ARNT2: variants seen among roughly 807,000 people sequenced by gnomAD.
ARNT2 encodes the protein aryl hydrocarbon receptor nuclear translocator 2.
ARNT2 carries 36 observed loss-of-function variants against 91.7 expected under a neutral mutation model. The observed-to-expected ratio is 0.39, with a 90% CI of 0.30 to 0.52. The LOEUF (loss-of-function observed/expected upper bound fraction) is 0.52, where lower values mean the gene tolerates loss of function less well. Ranked by LOEUF, ARNT2 falls within the 20% of genes least tolerant of loss-of-function variation. ARNT2 has a pLI of 0.72. For synonymous variants in ARNT2, 365 were observed against 347.1 expected, an observed-to-expected ratio of 1.05 and a Z score of -0.57; for missense variants, 775 against 939.3, an observed-to-expected ratio of 0.83 and a Z score of 2.29.
intron 1 of ARNT2, among the ~76,000 whole-genome samples, chr15:80,426,487 C>A (rs1895933731): frequency 6.6e-6 from 1 of 152,188 alleles, no homozygotes; most frequent in South Asian, 2.1e-4. Context: ...GAATCCATAG[C>A]AAAACACAGT....
At chr15:80,475,255 A>T in intron 5 of ARNT2, 32 bp downstream of exon 5, 2 of 1,608,656 alleles carry the variant, frequency 1.2e-6, no homozygotes, top group East Asian at 2.2e-5. Context: ...AGGCTGTTTG[A>T]CTCTAGAAAA....
chr15:80,443,429 G>A (rs1449846525), intron 1 of ARNT2, among the ~76,000 whole-genome samples: 1 of 152,154 alleles, frequency 6.6e-6, no homozygotes, highest in Admixed American at 6.5e-5. Context: ...GAGTGGGAAG[G>A]ACAAGAGTGG....
At chr15:80,471,227 G>T (rs749319040) in intron 4 of ARNT2, among the ~76,000 whole-genome samples, 8 of 152,200 alleles carry the variant, frequency 5.3e-5, no homozygotes, top group Admixed American at 2.6e-4. Context: ...GTCCTTTGCA[G>T]GAACATGGAT....
intron 1 of ARNT2, among the ~76,000 whole-genome samples, chr15:80,420,317 C>G (rs1274765495): frequency 6.6e-6 from 1 of 152,036 alleles, no homozygotes; most frequent in African/African-American, 2.4e-5. Context: ...TTTTCCTGGA[C>G]TATTGATATT....
rs1323951875 is a variant in ARNT2 at position 80,595,481 on chromosome 15, A to G, written c.*1783A>G. The G allele has an allele frequency of 1.3e-5, 2 of 152,378 alleles. No individual in the cohort carries two copies. The highest frequency in any genetic ancestry group is 1.9e-4 in the East Asian group (1 of 5,188). The allele number at this position is 152,378 out of a possible 1,614,324, so 9.4% of individuals were successfully genotyped here. On this transcript the variant is annotated 3_prime_UTR_variant, in exon 19 of 19. Coordinates refer to ENST00000303329, the MANE Select transcript of ARNT2 (RefSeq NM_014862.4). ...TTGGAGAGAGTGTTTGCTGTGATCC[A>G]TTGAAAGCTCCACATTAAACCCCAG...
chr15:80,597,333 C>G lies in ARNT2; in HGVS notation c.*3635C>G. 5.8e-6 allele frequency: 3 copies of G among 518,460 alleles called. No homozygotes were observed. Among genetic ancestry groups the G allele is most frequent in the Non-Finnish European group, 1.2e-5 (3 of 259,710 alleles). The allele number at this position is 518,460 out of a possible 1,614,324, so 32.1% of individuals were successfully genotyped here. A position where few individuals can be genotyped will look rare whatever the true frequency, so the allele number is the denominator to read the frequency against. On this transcript the variant is annotated 3_prime_UTR_variant, in exon 19 of 19. Transcript: ENST00000303329. ...GAAGAAGCCAGTGACCGGAACAGCT[C>G]TAGGAATAACAAGTCAGAATAGAAG...
At chr15:80,504,089 C>G (rs535785850) in intron 5 of ARNT2, among the ~76,000 whole-genome samples, 4 of 152,212 alleles carry the variant, frequency 2.6e-5, no homozygotes, top group African/African-American at 7.2e-5. Context: ...TTCACTCCCC[C>G]ACACCTTCCT....
intron 5 of ARNT2, among the ~76,000 whole-genome samples, chr15:80,504,420 A>C (rs1034764944): frequency 3.3e-5 from 5 of 152,214 alleles, no homozygotes; most frequent in African/African-American, 1.2e-4. Context: ...TGTCCGGGCT[A>C]AATGAATATT....
At chr15:80,577,112 G>A in intron 15 of ARNT2, 147 bp downstream of exon 15, 1 of 737,708 alleles carries the variant, frequency 1.4e-6, no homozygotes, top group Non-Finnish European at 2.2e-6. Flanking sequence ...GATTCTGGTG[G>A]CTCTGCTTCT....
intron 1 of ARNT2, among the ~76,000 whole-genome samples, chr15:80,443,560 C>T (rs759061005): frequency 5.3e-5 from 8 of 152,032 alleles, no homozygotes; most frequent in South Asian, 4.2e-4. Flanking sequence ...GCGGAGGCAG[C>T]GCTGCTGCCA....
intron 8 of ARNT2, among the ~76,000 whole-genome samples, chr15:80,516,170 C>A (rs951700448): frequency 3.9e-5 from 6 of 152,156 alleles, no homozygotes; most frequent in African/African-American, 1.2e-4. Context: ...CGCACCCAGC[C>A]AGATAAAGTA....
intron 8 of ARNT2, among the ~76,000 whole-genome samples, chr15:80,525,524 C>T (rs1897625798): frequency 7.1e-6 from 1 of 140,820 alleles, no homozygotes; most frequent in Admixed American, 7.3e-5. Context: ...GATGGATGGA[C>T]AAAAGGAAGG....
At chr15:80,527,982 A>G (rs1897665796) in intron 8 of ARNT2, among the ~76,000 whole-genome samples, 1 of 152,146 alleles carries the variant, frequency 6.6e-6, no homozygotes, top group South Asian at 2.1e-4. Context: ...AAGGTTTTAA[A>G]TTATTCTTCT....
intron 5 of ARNT2, among the ~76,000 whole-genome samples, chr15:80,493,053 G>C (rs766368523): frequency 2.0e-5 from 3 of 152,162 alleles, no homozygotes; most frequent in Non-Finnish European, 4.4e-5. Flanking sequence ...CAAGACCATG[G>C]TTCTGACATC....
chr15:80,516,828 A>AATACAAATATATATATATATATAT (rs1897441272), intron 8 of ARNT2, among the ~76,000 whole-genome samples: 1 of 74,800 alleles, frequency 1.3e-5, no homozygotes, highest in Non-Finnish European at 2.7e-5. Flanking sequence ...TACAATTACA[A>AATACAAATATATATATATATATAT]ATATATATAT....
At chr15:80,527,460 A>G (rs1157546112) in intron 8 of ARNT2, among the ~76,000 whole-genome samples, 1 of 152,232 alleles carries the variant, frequency 6.6e-6, no homozygotes, top group African/African-American at 2.4e-5. Flanking sequence ...GAGCTGAAAC[A>G]TAAGCACAAA....
chr15:80,546,903 C>T (rs924212161), intron 8 of ARNT2, among the ~76,000 whole-genome samples: 19 of 151,476 alleles, frequency 1.3e-4, no homozygotes, highest in Admixed American at 1.3e-4. Flanking sequence ...GTGGAAGTTG[C>T]AGTGAGCCGA....
rs150092758 is a variant in ARNT2, at chr15:80,518,405, G to T, written c.877+4000G>T. 8.3e-5 allele frequency among the ~76,000 whole-genome samples: 12 copies of T among 144,854 alleles called. No individual in the cohort carries two copies. In the East Asian group the frequency reaches 2.5e-3, roughly 31 times the overall value. ...AAGCAATTCTCCTGTCTCAGCCTCC[G>T]AAGTAGCTGGGACTACAGGTGTGCA... On this transcript the variant is annotated intron_variant, in intron 8 of 18. Coordinates refer to ENST00000303329, the MANE Select transcript of ARNT2 (RefSeq NM_014862.4).
rs114654984 is a variant in ARNT2 at position 80,514,129 on chromosome 15, A to G, written c.791+153A>G. ...GGCAGTGGCAGAGATGAGAGAGAAC[A>G]GGGAGTTGGGTGGAATTTATTTTTG... On this transcript the variant is annotated intron_variant, in intron 7 of 18. Coordinates refer to ENST00000303329, the MANE Select transcript of ARNT2 (RefSeq NM_014862.4). Among the ~76,000 whole-genome samples, 972 of 152,336 alleles carry G rather than the reference A, an allele frequency of 6.4e-3. 11 individuals carry two copies. Among genetic ancestry groups the G allele is most frequent in the African/African-American group, 0.022 (927 of 41,568 alleles).
Sources: allele counts gnomAD v4.1 joint callset (sites outside exome capture counted in the v4.1 genomes callset), GRCh38; gene constraint gnomAD v4.1.1; transcripts MANE v1.5; gene names NCBI Gene and HGNC (gene_info 2026-07-23, HGNC 2026-07-21).